The following ATXN10 variants were observed in gnomAD, a reference collection of about 807,000 sequenced individuals.
ATXN10 encodes the protein ataxin 10.
A neutral mutation model predicts 52.9 loss-of-function variants in ATXN10; 28 were observed. That is an observed-to-expected ratio of 0.53 (90% CI 0.39 to 0.73). ATXN10 has a LOEUF of 0.73. Among genes scored for constraint, ATXN10 ranks in the 30% least tolerant of loss-of-function variants. ATXN10 has a pLI of 0.00. For synonymous variants in ATXN10, 226 were observed against 221.5 expected, an observed-to-expected ratio of 1.02 and a Z score of -0.18; for missense variants, 565 against 577.0, an observed-to-expected ratio of 0.98 and a Z score of 0.21.
Position 45,738,761 on chromosome 22 carries a change from G to A in ATXN10, c.925G>A (p.Val309Ile), listed in dbSNP as rs143763891. 798 of 1,613,878 alleles carry A rather than the reference G, an allele frequency of 4.9e-4. 1 individual carries two copies. The highest frequency in any genetic ancestry group is 6.4e-4 in the Non-Finnish European group (757 of 1,179,986). ...EALATIRLLD[V>I]LCEMTVNTEL... ...ACTGGCTACAATTAGGCTTCTCGACGTCCTGTGCGAAATGACTGTGAATAC... is the reference window on the plus strand; with the variant it reads ...ACTGGCTACAATTAGGCTTCTCGACATCCTGTGCGAAATGACTGTGAATAC... The change falls in exon 8 of 12, where the codon GTC (valine) becomes ATC (isoleucine). Residue 309 changes from valine (V) to isoleucine (I), a missense_variant. Coordinates refer to ENST00000252934, the MANE Select transcript of ATXN10 (RefSeq NM_013236.4).
chr22:45,713,822 A>G (rs1441587702), intron 5 of ATXN10, among the ~76,000 whole-genome samples: 1 of 152,142 alleles, frequency 6.6e-6, no homozygotes, highest in Admixed American at 6.5e-5. Context: ...ATATTCCTAT[A>G]TAAAGACTTT....
intron 7 of ATXN10, chr22:45,734,358 C>T (rs1178031542): frequency 3.8e-6 from 1 of 260,332 alleles, no homozygotes; most frequent in Non-Finnish European, 8.2e-6. Context: ...CTTTAAAATG[C>T]ATTTATTAAA....
In ATXN10 at chr22:45,787,843, AT is replaced by A. The variant is rs1429348623; in HGVS notation, c.1174-19115del. 1.3e-5 allele frequency among the ~76,000 whole-genome samples: 2 copies of A among 152,224 alleles called. No individual in the cohort carries two copies. Among genetic ancestry groups the A allele is most frequent in the African/African-American group, 2.4e-5 (1 of 41,466 alleles). On this transcript the variant is annotated intron_variant, in intron 9 of 11. Coordinates refer to ENST00000252934, the MANE Select transcript of ATXN10 (RefSeq NM_013236.4). This position sits in a 1 kb window ranked among gnomAD's most constrained non-coding sequence, Gnocchi z 4.2. ...ATGATCACTGTAACTTTTAAAGAAA[AT>A]CTTGTGCAATTTCAGTTACTGATGA...
intron 9 of ATXN10, among the ~76,000 whole-genome samples, chr22:45,802,469 G>A (rs926366405): frequency 6.6e-6 from 1 of 152,152 alleles, no homozygotes; most frequent in Non-Finnish European, 1.5e-5. Flanking sequence ...GTGCTGTATT[G>A]GTGTCTGCTT....
At chr22:45,764,134 C>A (rs9626439) in intron 9 of ATXN10, among the ~76,000 whole-genome samples, 1 of 152,112 alleles carries the variant, frequency 6.6e-6, no homozygotes, top group African/African-American at 2.4e-5. Context: ...TGACTTCATA[C>A]GCTTGCTTGC....
At position 45,744,152 on chromosome 22, in the gene ATXN10, A is replaced by C. The variant is rs953426070; in HGVS notation, c.1173+3614A>C. ...GACGGGTAATTCAGGCAAGGTATTA[A>C]TATCTTCTGTGGAGCTTCCATTCTG... On this transcript the variant is annotated intron_variant, in intron 9 of 11. Coordinates refer to ENST00000252934, the MANE Select transcript of ATXN10 (RefSeq NM_013236.4). The surrounding 1 kb of genome is among the most constrained non-coding windows in gnomAD (Gnocchi z 4.9). Among the ~76,000 whole-genome samples the C allele has an allele frequency of 6.6e-6, 1 of 152,146 alleles. No homozygotes were observed. The highest frequency in any genetic ancestry group is 1.5e-5 in the Non-Finnish European group (1 of 68,030).
intron 10 of ATXN10, among the ~76,000 whole-genome samples, chr22:45,829,594 C>T (rs1313628561): frequency 1.3e-5 from 2 of 151,860 alleles, no homozygotes; most frequent in Admixed American, 6.6e-5. Context: ...CTAATACTGA[C>T]GGAATGGAAA....
rs1258427767 is a variant in ATXN10 at position 45,786,062 on chromosome 22, CAA to C, written c.1174-20895_1174-20894del. Among the ~76,000 whole-genome samples the C allele has an allele frequency of 3.3e-5, 5 of 152,050 alleles. No homozygotes were observed. The highest frequency in any genetic ancestry group is 5.9e-5 in the Non-Finnish European group (4 of 67,998). On this transcript the variant is annotated intron_variant, in intron 9 of 11. Coordinates refer to ENST00000252934, the MANE Select transcript of ATXN10 (RefSeq NM_013236.4). This position sits in a 1 kb window ranked among gnomAD's most constrained non-coding sequence, Gnocchi z 4.1. ...CAGCTAATTTCATTCATTATTTAAA[CAA>C]AGATTTTATCTGCTAGTTGAATAAT...
rs185070555 is a variant in ATXN10 at position 45,786,380 on chromosome 22, G to T, written c.1174-20579G>T. ...TTTCTTTTTGGAGGTGTCATGGGGA[G>T]CAGGGTTAGTTTATGGGATGCAGTC... On this transcript the variant is annotated intron_variant, in intron 9 of 11. Transcript: ENST00000252934. This position sits in a 1 kb window ranked among gnomAD's most constrained non-coding sequence, Gnocchi z 4.1. Among the ~76,000 whole-genome samples the T allele has an allele frequency of 2.8e-3, 425 of 152,346 alleles. No individual in the cohort carries two copies. The highest frequency in any genetic ancestry group is 5.0e-3 in the Non-Finnish European group (342 of 68,036).
chr22:45,797,674 AAAAGAATTAAC>A (rs1310630475), intron 9 of ATXN10, among the ~76,000 whole-genome samples: 1 of 152,230 alleles, frequency 6.6e-6, no homozygotes, highest in African/African-American at 2.4e-5. Flanking sequence ...TAAGTAGAAG[AAAAGAATTAAC>A]AAAGATAAGA....
At chr22:45,724,935 G>A (rs1322684779) in intron 6 of ATXN10, among the ~76,000 whole-genome samples, 1 of 152,058 alleles carries the variant, frequency 6.6e-6, no homozygotes, top group East Asian at 1.9e-4. Context: ...TTATGTTTTT[G>A]TATGCTTTTA....
intron 3 of ATXN10, among the ~76,000 whole-genome samples, chr22:45,694,222 A>G (rs1923498451): frequency 6.6e-6 from 1 of 152,154 alleles, no homozygotes; most frequent in Non-Finnish European, 1.5e-5. Context: ...TTCTTCTAGC[A>G]TCAACATCTT....
chr22:45,793,941 A>C (rs1927613040), intron 9 of ATXN10, among the ~76,000 whole-genome samples: 1 of 152,256 alleles, frequency 6.6e-6, no homozygotes, highest in African/African-American at 2.4e-5. Flanking sequence ...CCCTATAGGC[A>C]GTGTGCCCAG....
intron 5 of ATXN10, among the ~76,000 whole-genome samples, chr22:45,716,433 T>G (rs1265777338): frequency 6.6e-6 from 1 of 151,814 alleles, no homozygotes; most frequent in Non-Finnish European, 1.5e-5. Context: ...CCTCCTGTGT[T>G]CAAGTGATTC....
At chr22:45,834,268 G>A (rs1410215105) in intron 10 of ATXN10, among the ~76,000 whole-genome samples, 4 of 152,108 alleles carry the variant, frequency 2.6e-5, no homozygotes, top group Admixed American at 1.3e-4. Flanking sequence ...TTATTATCTG[G>A]CCACTGATCC....
At chr22:45,682,575 G>A (rs1456018869) in intron 1 of ATXN10, among the ~76,000 whole-genome samples, 3 of 152,118 alleles carry the variant, frequency 2.0e-5, no homozygotes, top group Non-Finnish European at 1.5e-5. Flanking sequence ...CTCCCAAAGT[G>A]CTGGGATTAC....
chr22:45,679,334 C>G (rs1794460692), intron 1 of ATXN10: 1 of 152,154 alleles, frequency 6.6e-6, no homozygotes, highest in Admixed American at 6.5e-5. Flanking sequence ...ACAAGAAAGA[C>G]TTTAATTAGG....
intron 9 of ATXN10, chr22:45,793,738 GCCACCCCCGAT>G: frequency 6.9e-7 from 1 of 1,441,650 alleles, no homozygotes; most frequent in Non-Finnish European, 9.2e-7. Context: ...AGGAGCTCTT[GCCACCCCCGAT>G]TCCTGCCTTT....
At chr22:45,810,054 C>G (rs1339489228) in intron 10 of ATXN10, among the ~76,000 whole-genome samples, 1 of 151,786 alleles carries the variant, frequency 6.6e-6, no homozygotes, top group South Asian at 2.1e-4. Flanking sequence ...ATAGTTTTAC[C>G]TTTTATATAT....
Sources: allele counts gnomAD v4.1 joint callset (sites outside exome capture counted in the v4.1 genomes callset), GRCh38; gene constraint gnomAD v4.1.1; non-coding constraint Gnocchi (gnomAD v3.1); transcripts MANE v1.5; gene names NCBI Gene and HGNC (gene_info 2026-07-23, HGNC 2026-07-21).